The following EMID1 variants were observed in gnomAD, a reference collection of about 807,000 sequenced individuals.
The protein encoded by EMID1 is EMI domain containing 1.
Under a neutral mutation model 60.6 loss-of-function variants are expected in EMID1, and 40 were observed. The observed-to-expected ratio is 0.66, with a 90% CI of 0.51 to 0.86. EMID1 has a LOEUF of 0.86. Ranked by LOEUF, EMID1 falls within the 40% of genes least tolerant of loss-of-function variation. The probability of loss-of-function intolerance (pLI) is 0.00; values close to 1 mark genes in which losing one functional copy is unlikely to be tolerated. For missense variants in EMID1, 585 were observed against 597.1 expected (o/e 0.98, Z 0.21); for synonymous variants, 242 against 231.0 (o/e 1.05, Z -0.43).
intron 14 of EMID1, chr22:29,254,758 A>G: frequency 5.6e-6 from 1 of 178,224 alleles, no homozygotes; most frequent in Non-Finnish European, 1.2e-5. Context: ...TCAGCTCTAG[A>G]GAAATCATGG....
At chr22:29,250,503 T>C (rs1404874204) in intron 13 of EMID1, among the ~76,000 whole-genome samples, 1 of 152,210 alleles carries the variant, frequency 6.6e-6, no homozygotes, top group Non-Finnish European at 1.5e-5. Context: ...AGGAAGCTCA[T>C]GATGTCAGCT....
chr22:29,235,056 A>G (rs954366726), intron 12 of EMID1, among the ~76,000 whole-genome samples: 1 of 152,104 alleles, frequency 6.6e-6, no homozygotes, highest in African/African-American at 2.4e-5. Flanking sequence ...ATTAAATGTA[A>G]GAAAGTGTGG....
At chr22:29,232,129 C>A in intron 7 of EMID1, 127 bp from the exon 8 acceptor site, 1 of 1,071,470 alleles carries the variant, frequency 9.3e-7, no homozygotes, top group Non-Finnish European at 1.4e-6. Context: ...ACCAGGCAGC[C>A]TAGGCCTGTG....
At chr22:29,254,598 A>G in intron 14 of EMID1, 1 of 310,592 alleles carries the variant, frequency 3.2e-6, no homozygotes. Flanking sequence ...TTTGGAAGAA[A>G]TTATGGGCAA....
rs1273473366 is a variant in EMID1 at position 29,220,816 on chromosome 22, G to A, written c.320-4317G>A. Among the ~76,000 whole-genome samples, 5 of 152,224 alleles carry A rather than the reference G, an allele frequency of 3.3e-5. No homozygotes were observed. The East Asian group carries it at 5.8e-4, about 18-fold the overall frequency. ...AGGTGTCATGAGGGTCCTGAGAAGG[G>A]GCACAAAGCTTCTTAGCTCAGGCCT... On this transcript the variant is annotated intron_variant, in intron 3 of 14. Transcript: ENST00000334018.
At chr22:29,221,849 A>G (rs868732158) in intron 3 of EMID1, among the ~76,000 whole-genome samples, 2 of 152,216 alleles carry the variant, frequency 1.3e-5, no homozygotes, top group Admixed American at 6.5e-5. Flanking sequence ...TCTTGAATCC[A>G]AAGCCAAAAT....
Position 29,258,988 on chromosome 22 carries a change from C to G in EMID1, c.*44C>G, listed in dbSNP as rs775144025. On this transcript the variant is annotated 3_prime_UTR_variant, in exon 15 of 15. Coordinates refer to ENST00000334018, the MANE Select transcript of EMID1 (RefSeq NM_133455.4). ...AGGCAGACCAGGCCAGGCTTCCCCT[C>G]CTACCTGGACTCGGCCAGCTGCCTC... 5 of 1,589,788 alleles carry G rather than the reference C, an allele frequency of 3.1e-6. No homozygotes were observed. In the Admixed American group the frequency reaches 7.3e-5, roughly 23 times the overall value.
chr22:29,258,929 G>C lies in EMID1; in HGVS notation c.1317G>C (p.Arg439=). 6 of 1,612,820 alleles carry C rather than the reference G, an allele frequency of 3.7e-6. No homozygotes were observed. Among genetic ancestry groups the C allele is most frequent in the Non-Finnish European group, 5.1e-6 (6 of 1,179,456 alleles). The change falls in exon 15 of 15, where the codon CGG becomes CGC. Residue 439 remains arginine, a synonymous_variant. Transcript: ENST00000334018. ...TNYRIVAPRS[R]DERG The stretch of plus-strand genomic sequence containing the variant: ...ACCGGATCGTGGCCCCCAGGAGCCG[G>C]GACGAGAGAGGCTGAGGGTGGTGGC...
intron 5 of EMID1, among the ~76,000 whole-genome samples, chr22:29,228,313 G>A (rs2040606023): frequency 6.6e-6 from 1 of 151,992 alleles, no homozygotes; most frequent in Non-Finnish European, 1.5e-5. Context: ...ACGACAGAGC[G>A]AGACTCCGTC....
chr22:29,232,253 C>T lies in EMID1; in HGVS notation c.677-3C>T, dbSNP rs751941516. 8 of 1,611,524 alleles carry T rather than the reference C, an allele frequency of 5.0e-6. No homozygotes were observed. In the African/African-American group the frequency reaches 1.1e-4, roughly 22 times the overall value. On this transcript the variant is annotated splice_polypyrimidine_tract_variant and splice_region_variant and intron_variant, in intron 7 of 14. Coordinates refer to ENST00000334018, the MANE Select transcript of EMID1 (RefSeq NM_133455.4). ...CCCACAAATCCGTGTGATTCCATTGCAGGTCCACAGGGCCCCCCAGGGAGC... is the reference window on the plus strand; with the variant it reads ...CCCACAAATCCGTGTGATTCCATTGTAGGTCCACAGGGCCCCCCAGGGAGC...
intron 8 of EMID1, chr22:29,232,697 C>T (rs1005173391): frequency 8.4e-6 from 3 of 358,170 alleles, no homozygotes; most frequent in Non-Finnish European, 1.5e-5. Flanking sequence ...CAGGCCCTCC[C>T]AAGCCTTGGA....
At chr22:29,250,739 T>TTTTTTTTTTTTTTTC in intron 13 of EMID1, among the ~76,000 whole-genome samples, 1 of 95,352 alleles carries the variant, frequency 1.0e-5, no homozygotes, top group Non-Finnish European at 2.1e-5. Flanking sequence ...GCTAATTTTT[T>TTTTTTTTTTTTTTTC]TTTTTTTTTT....
intron 3 of EMID1, among the ~76,000 whole-genome samples, chr22:29,217,369 A>G (rs1319080433): frequency 6.6e-6 from 1 of 152,244 alleles, no homozygotes; most frequent in Non-Finnish European, 1.5e-5. Context: ...TGGGGCCTTC[A>G]GGTCCCAGCG....
intron 14 of EMID1, chr22:29,255,232 C>A: frequency 2.9e-6 from 2 of 688,540 alleles, no homozygotes; most frequent in Non-Finnish European, 3.9e-6. Context: ...CCCTCGGAGG[C>A]CAGACTCGCA....
chr22:29,232,376 C>T lies in EMID1; in HGVS notation c.797C>T (p.Pro266Leu), dbSNP rs1405090907. Residue 266 changes from proline to leucine, a missense_variant, in exon 8 of 15, where the codon CCA becomes CTA. Transcript: ENST00000334018. ...GPPGPPAPVG[P>L]PHARISQHGD... ...CCTGGGCCCCCAGCCCCTGTTGGGC[C>T]ACCCCATGCCCGGATCTCCCAGCAT... is the stretch of plus-strand genomic sequence containing the variant. The T allele has an allele frequency of 6.3e-7, 1 of 1,594,240 alleles. No individual in the cohort carries two copies. Among genetic ancestry groups the T allele is most frequent in the South Asian group, 1.1e-5 (1 of 89,050 alleles).
chr22:29,230,650 G>T (rs891476042), intron 5 of EMID1, among the ~76,000 whole-genome samples: 1 of 152,092 alleles, frequency 6.6e-6, no homozygotes, highest in African/African-American at 2.4e-5. Flanking sequence ...CCCACACCAG[G>T]CCCCTTGGCT....
At chr22:29,218,874 C>T (rs1363051599) in intron 3 of EMID1, among the ~76,000 whole-genome samples, 7 of 152,166 alleles carry the variant, frequency 4.6e-5, no homozygotes, top group Non-Finnish European at 1.0e-4. Context: ...GGGCGTGGGT[C>T]TCACATAAGG....
At chr22:29,248,186 T>A (rs1298941013) in intron 13 of EMID1, among the ~76,000 whole-genome samples, 3 of 151,734 alleles carry the variant, frequency 2.0e-5, no homozygotes, top group Non-Finnish European at 4.4e-5. Context: ...CTCAAACTCC[T>A]GACTTCAAGT....
chr22:29,240,812 G>A (rs773054699), intron 12 of EMID1, among the ~76,000 whole-genome samples: 2 of 152,134 alleles, frequency 1.3e-5, no homozygotes, highest in African/African-American at 2.4e-5. Flanking sequence ...ACTTGTGTTG[G>A]CCCCCTGGAC....
Sources: gnomAD v4.1 joint callset for allele counts (sites outside exome capture counted in the v4.1 genomes callset) on GRCh38, gnomAD v4.1.1 for gene constraint, MANE v1.5 for transcripts, NCBI Gene and HGNC (gene_info 2026-07-23, HGNC 2026-07-21) for gene names.